The following AIPL1 variants were observed in gnomAD, a reference collection of about 807,000 sequenced individuals.
AIPL1 encodes AIP like 1 HSP90 co-chaperone.
A neutral mutation model predicts 32.9 loss-of-function variants in AIPL1; 23 were observed. That is an observed-to-expected ratio of 0.70 (90% CI 0.50 to 0.99). AIPL1 has a LOEUF of 0.99. Ranked by LOEUF, AIPL1 falls within the 50% of genes least tolerant of loss-of-function variation. The probability of loss-of-function intolerance (pLI) is 0.00; values close to 1 mark genes in which losing one functional copy is unlikely to be tolerated. For missense variants in AIPL1, 485 were observed against 506.0 expected (o/e 0.96, Z 0.40); for synonymous variants, 210 against 209.4 (o/e 1.00, Z -0.02).
intron 3 of AIPL1, 139 bp downstream of exon 3, chr17:6,428,179 A>G (rs982657432): frequency 4.0e-6 from 4 of 991,846 alleles, no homozygotes; most frequent in East Asian, 5.2e-5. Context: ...GTATTCTCCC[A>G]TGGCTTATGA....
intron 1 of AIPL1, 47 bp from the exon 2 acceptor site, chr17:6,434,145 C>A (rs747844270): frequency 1.3e-6 from 2 of 1,598,326 alleles, no homozygotes; most frequent in Non-Finnish European, 8.5e-7. Flanking sequence ...CTGTTCAAGG[C>A]CCGGCAGAAG....
chr17:6,431,810 T>A (rs576820889), intron 2 of AIPL1, among the ~76,000 whole-genome samples: 1 of 152,288 alleles, frequency 6.6e-6, no homozygotes, highest in East Asian at 1.9e-4. Context: ...CAATCACTCT[T>A]AACATCACTG....
At position 6,428,366 on chromosome 17, in the gene AIPL1, C is replaced by T. The variant is rs774502961; in HGVS notation, c.417G>A (p.Glu139=). Residue 139 remains glutamate (E), a synonymous_variant, in exon 3 of 6, where the codon GAG becomes GAA. Transcript: ENST00000381129. ...CCAGAGGCTGAGGCTCCTTCTGCAGCTCGTCCAGGTCCTCGTAGCCCAGCG... is the reference window on the plus strand; with the variant it reads ...CCAGAGGCTGAGGCTCCTTCTGCAGTTCGTCCAGGTCCTCGTAGCCCAGCG... The part of the protein sequence containing the change: ...YHTLGYEDLD[E]LQKEPQPLVF... 1.2e-6 allele frequency: 2 copies of T among 1,612,072 alleles called. No homozygotes were observed. The highest frequency in any genetic ancestry group is 3.3e-5 in the Admixed American group (2 of 60,030).
chr17:6,425,513 C>A lies in AIPL1; in HGVS notation c.1102G>T (p.Ala368Ser), dbSNP rs746453263. The change falls in exon 6 of 6, where the codon GCA (alanine) becomes TCA (serine). Residue 368 changes from alanine to serine, a missense_variant. Transcript: ENST00000381129. ...GGGGGTGGCTCTGTGGCTGGCTCTGCAGGGGGCCCTGCGGACAGCTCTGCA... is the reference window on the plus strand; with the variant it reads ...GGGGGTGGCTCTGTGGCTGGCTCTGAAGGGGGCCCTGCGGACAGCTCTGCA... The part of the protein sequence containing the change: ...PSAELSAGPP[A>S]EPATEPPPSP... 6.2e-7 allele frequency: 1 copy of A among 1,609,898 alleles called. No individual in the cohort carries two copies. The highest frequency in any genetic ancestry group is 1.7e-5 in the Admixed American group (1 of 59,976).
chr17:6,425,188 T>TA lies in AIPL1; in HGVS notation c.*271dup. 2.7e-6 allele frequency: 1 copy of TA among 375,116 alleles called. No homozygotes were observed. Among genetic ancestry groups the TA allele is most frequent in the Non-Finnish European group, 4.7e-6 (1 of 210,668 alleles). The allele number at this position is 375,116 out of a possible 1,614,324, so 23.2% of individuals were successfully genotyped here. A position where few individuals can be genotyped will look rare whatever the true frequency, so the allele number is the denominator to read the frequency against. ...CTGATTTAAACAGATTACTTGGAAA[T>TA]AGAGAAAACTACCAGAAGAATTAAA... On this transcript the variant is annotated 3_prime_UTR_variant, in exon 6 of 6. Coordinates refer to ENST00000381129, the MANE Select transcript of AIPL1 (RefSeq NM_014336.5).
At chr17:6,434,630 T>C (rs978084313) in intron 1 of AIPL1, among the ~76,000 whole-genome samples, 1 of 152,178 alleles carries the variant, frequency 6.6e-6, no homozygotes, top group Non-Finnish European at 1.5e-5. Flanking sequence ...AGTGCTGGGA[T>C]TACAGGCGGG....
intron 2 of AIPL1, among the ~76,000 whole-genome samples, chr17:6,430,527 C>T (rs977018152): frequency 7.1e-6 from 1 of 141,312 alleles, no homozygotes; most frequent in African/African-American, 2.6e-5. Flanking sequence ...TGACTATCAA[C>T]ATGGAAAAAG....
chr17:6,425,280 C>A lies in AIPL1; in HGVS notation c.*180G>T. 1 of 749,752 alleles carries A rather than the reference C, an allele frequency of 1.3e-6. No individual in the cohort carries two copies. Among genetic ancestry groups the A allele is most frequent in the Non-Finnish European group, 2.0e-6 (1 of 510,072 alleles). The allele number at this position is 749,752 out of a possible 1,614,324, so 46.4% of individuals were successfully genotyped here. On this transcript the variant is annotated 3_prime_UTR_variant, in exon 6 of 6. Transcript: ENST00000381129. ...GGTAGAGGAGAAAACTACTTTTATTCATAAGCTCTTCTGTACCCTTGGGAT... is the reference window on the plus strand; with the variant it reads ...GGTAGAGGAGAAAACTACTTTTATTAATAAGCTCTTCTGTACCCTTGGGAT...
chr17:6,429,819 GGT>G (rs1491511169), intron 2 of AIPL1, among the ~76,000 whole-genome samples: 543 of 44,594 alleles, frequency 0.012, 3 homozygotes, highest in Middle Eastern at 0.071. Context: ...TAGGTAGGTA[GGT>G]AGGTAGATAG....
intron 2 of AIPL1, among the ~76,000 whole-genome samples, chr17:6,433,611 T>TCTCTCTCTCTCACA (rs758622569): frequency 3.8e-5 from 4 of 106,256 alleles, no homozygotes; most frequent in African/African-American, 1.5e-4. Context: ...TCTCTCTCTC[T>TCTCTCTCTCTCACA]CACACACACA....
chr17:6,434,868 A>G, intron 1 of AIPL1, 141 bp downstream of exon 1: 2 of 1,438,094 alleles, frequency 1.4e-6, no homozygotes, highest in Non-Finnish European at 1.9e-6. Context: ...AAACGCTGGG[A>G]GCTCCCCGGA....
intron 5 of AIPL1, 124 bp downstream of exon 5, chr17:6,426,491 T>C: frequency 6.6e-7 from 1 of 1,520,344 alleles, no homozygotes. Context: ...GAAACCCGGC[T>C]GGGTGGAGAC....
In AIPL1 at chr17:6,428,406, ATGT is replaced by A. The variant is rs1261414033; in HGVS notation, c.374_376del (p.Asn125del). ...GTAGCCCAGCGTGTGGTAGGCGAAC[ATGT>A]TGGCCAGCCCGCACGTGTGCACGTG... On this transcript the variant is annotated inframe_deletion, in exon 3 of 6. Coordinates refer to ENST00000381129, the MANE Select transcript of AIPL1 (RefSeq NM_014336.5). 2 of 1,613,272 alleles carry A rather than the reference ATGT, an allele frequency of 1.2e-6. No homozygotes were observed. The highest frequency in any genetic ancestry group is 1.3e-5 in the African/African-American group (1 of 74,920).
chr17:6,434,232 C>T (rs1482047513), intron 1 of AIPL1, 134 bp from the exon 2 acceptor site: 19 of 996,834 alleles, frequency 1.9e-5, no homozygotes, highest in Middle Eastern at 2.8e-4. Context: ...TGCCTCAGAC[C>T]CCTGGAGCAC....
At chr17:6,432,963 A>C (rs112874861) in intron 2 of AIPL1, among the ~76,000 whole-genome samples, 96 of 152,316 alleles carry the variant, frequency 6.3e-4, no homozygotes, top group African/African-American at 2.2e-3. Flanking sequence ...GGTGTCTGGC[A>C]TTTGGTTTAA....
Position 6,423,807 on chromosome 17 carries a change from G to A in AIPL1, c.*1653C>T, listed in dbSNP as rs1383744918. ...CTATGGACAAAGCACAGAAGATTTAGTTTTGCTTACAGAGCAGAAGGTAGA... is the reference window on the plus strand; with the variant it reads ...CTATGGACAAAGCACAGAAGATTTAATTTTGCTTACAGAGCAGAAGGTAGA... On this transcript the variant is annotated 3_prime_UTR_variant, in exon 6 of 6. Transcript: ENST00000381129. The A allele has an allele frequency of 6.6e-6, 1 of 152,256 alleles. No homozygotes were observed. Among genetic ancestry groups the A allele is most frequent in the African/African-American group, 2.4e-5 (1 of 41,464 alleles). The allele number at this position is 152,256 out of a possible 1,614,324, so 9.4% of individuals were successfully genotyped here.
intron 5 of AIPL1, chr17:6,426,038 G>A: frequency 1.9e-6 from 2 of 1,071,986 alleles, no homozygotes; most frequent in Non-Finnish European, 2.6e-6. Context: ...TTAAGGCCCT[G>A]TGAGTAATTT....
intron 5 of AIPL1, chr17:6,426,337 T>C (rs2150676131): frequency 5.0e-6 from 7 of 1,397,306 alleles, no homozygotes; most frequent in Non-Finnish European, 6.5e-6. Flanking sequence ...TTGCCCCTCT[T>C]TTTTAAACGC....
chr17:6,426,832 G>A (rs375100065), intron 4 of AIPL1, 49 bp downstream of exon 4: 16 of 1,612,734 alleles, frequency 9.9e-6, no homozygotes, highest in Middle Eastern at 3.3e-4. Context: ...CACTGGGCAG[G>A]CCCCCCAGAG....
Sources: allele counts gnomAD v4.1 joint callset (sites outside exome capture counted in the v4.1 genomes callset), GRCh38; gene constraint gnomAD v4.1.1; transcripts MANE v1.5; gene names NCBI Gene and HGNC (gene_info 2026-07-23, HGNC 2026-07-21).